CACNA2D3: variants seen among roughly 807,000 people sequenced by gnomAD.
CACNA2D3 encodes the protein calcium voltage-gated channel auxiliary subunit alpha2delta 3, also known as voltage-dependent calcium channel subunit alpha-2/delta-3.
In CACNA2D3, 60 loss-of-function variants were observed where a neutral mutation model predicts 160.6. The observed-to-expected ratio is 0.37, with a 90% CI of 0.30 to 0.46. CACNA2D3 has a LOEUF of 0.46. Ranked by LOEUF, CACNA2D3 falls within the 20% of genes least tolerant of loss-of-function variation. The probability of loss-of-function intolerance (pLI) is 1.00; values close to 1 mark genes in which losing one functional copy is unlikely to be tolerated. For missense variants in CACNA2D3, 1,205 were observed against 1,365.0 expected (o/e 0.88, Z 1.85); for synonymous variants, 558 against 492.9 (o/e 1.13, Z -1.75).
At chr3:54,582,159 C>T (rs948752304) in intron 9 of CACNA2D3, among the ~76,000 whole-genome samples, 1 of 152,228 alleles carries the variant, frequency 6.6e-6, no homozygotes, top group Non-Finnish European at 1.5e-5. Context: ...TACGTTGACA[C>T]TCTTGAAAGA....
At chr3:54,544,183 AGAT>A (rs1420126867) in intron 5 of CACNA2D3, among the ~76,000 whole-genome samples, 2 of 152,222 alleles carry the variant, frequency 1.3e-5, no homozygotes, top group Non-Finnish European at 2.9e-5. Flanking sequence ...CTCCATATAT[AGAT>A]GATAAGTACA....
At chr3:54,649,381 CAG>C (rs1401596429) in intron 11 of CACNA2D3, among the ~76,000 whole-genome samples, 1 of 152,202 alleles carries the variant, frequency 6.6e-6, no homozygotes, top group Non-Finnish European at 1.5e-5. Flanking sequence ...ACTGTGGTAA[CAG>C]GGAACAAACA....
At chr3:54,519,311 G>A (rs1311255231) in intron 5 of CACNA2D3, among the ~76,000 whole-genome samples, 2 of 152,204 alleles carry the variant, frequency 1.3e-5, no homozygotes, top group South Asian at 2.1e-4. Context: ...GTAAGAAAGC[G>A]GGGTTCACAG....
At chr3:54,712,147 T>C (rs1452247271) in intron 11 of CACNA2D3, among the ~76,000 whole-genome samples, 1 of 152,184 alleles carries the variant, frequency 6.6e-6, no homozygotes, top group Non-Finnish European at 1.5e-5. Context: ...TCTGTAAAAA[T>C]GGAGATTATC....
intron 5 of CACNA2D3, among the ~76,000 whole-genome samples, chr3:54,508,713 A>G (rs1381801638): frequency 6.6e-6 from 1 of 152,200 alleles, no homozygotes; most frequent in Admixed American, 6.5e-5. Context: ...TGTGAATTGC[A>G]GGACACAGGC....
intron 27 of CACNA2D3, among the ~76,000 whole-genome samples, chr3:54,905,591 T>G (rs919268688): frequency 3.3e-5 from 5 of 152,190 alleles, no homozygotes; most frequent in African/African-American, 1.2e-4. Context: ...GAAAACTTAC[T>G]GATTAAACCA....
chr3:54,465,614 C>T (rs575879938), intron 4 of CACNA2D3, among the ~76,000 whole-genome samples: 1 of 152,224 alleles, frequency 6.6e-6, no homozygotes, highest in African/African-American at 2.4e-5. Context: ...TGACCACATC[C>T]AAGTGCATAC....
intron 5 of CACNA2D3, among the ~76,000 whole-genome samples, chr3:54,543,637 G>C (rs1002617559): frequency 1.3e-5 from 2 of 152,236 alleles, no homozygotes; most frequent in Non-Finnish European, 2.9e-5. Flanking sequence ...GGTGGCCAGT[G>C]TGACAGCACA....
chr3:55,043,234 A>G (rs1201072868), intron 35 of CACNA2D3, among the ~76,000 whole-genome samples: 3 of 152,088 alleles, frequency 2.0e-5, no homozygotes, highest in Non-Finnish European at 2.9e-5. Flanking sequence ...TCAGCACTGT[A>G]GGGGAGTTCC....
At chr3:54,131,593 A>G (rs537397662) in intron 2 of CACNA2D3, among the ~76,000 whole-genome samples, 9 of 152,324 alleles carry the variant, frequency 5.9e-5, no homozygotes, top group South Asian at 4.1e-4. Context: ...CCATCCTCTC[A>G]CTTATACTGT....
chr3:54,228,710 G>T (rs1439274645), intron 2 of CACNA2D3, among the ~76,000 whole-genome samples: 1 of 152,200 alleles, frequency 6.6e-6, no homozygotes, highest in African/African-American at 2.4e-5. Flanking sequence ...CTCCACCAAG[G>T]TGTACACTGT....
At position 54,766,029 on chromosome 3, in the gene CACNA2D3, G is replaced by T. The variant is rs866568288; in HGVS notation, c.1380+1678G>T. Among the ~76,000 whole-genome samples, 17 of 152,052 alleles carry T rather than the reference G, an allele frequency of 1.1e-4. 1 individual carries two copies. The Middle Eastern group carries it at 0.01, about 93-fold the overall frequency. On this transcript the variant is annotated intron_variant, in intron 13 of 37. Coordinates refer to ENST00000474759, the MANE Select transcript of CACNA2D3 (RefSeq NM_018398.3). ...ATTACAAGCAGTAGAAGAAAACCTG[G>T]GTAAATTCCTCTGTGACCTGGATTC...
chr3:54,238,085 G>A (rs995999028), intron 2 of CACNA2D3, among the ~76,000 whole-genome samples: 1 of 152,120 alleles, frequency 6.6e-6, no homozygotes, highest in African/African-American at 2.4e-5. Flanking sequence ...AAACACTGCT[G>A]CATACTTTTT....
In CACNA2D3 at chr3:54,546,112, G is replaced by T. The variant is rs189731096; in HGVS notation, c.545-16688G>T. Among the ~76,000 whole-genome samples, 5 of 152,302 alleles carry T rather than the reference G, an allele frequency of 3.3e-5. No individual in the cohort carries two copies. In the East Asian group the frequency reaches 9.7e-4, roughly 29 times the overall value. ...TATGGCAATTTTGTGGCCCTATAAG[G>T]GGAAAGGCTGGAACTACCGGACAAC... On this transcript the variant is annotated intron_variant, in intron 5 of 37. Transcript: ENST00000474759.
At chr3:54,221,947 C>T (rs761576019) in intron 2 of CACNA2D3, among the ~76,000 whole-genome samples, 1 of 152,040 alleles carries the variant, frequency 6.6e-6, no homozygotes, top group African/African-American at 2.4e-5. Context: ...CTCCTAGGCT[C>T]AAGTGATCCT....
At chr3:54,347,372 G>T (rs552677028) in intron 3 of CACNA2D3, among the ~76,000 whole-genome samples, 1 of 152,242 alleles carries the variant, frequency 6.6e-6, no homozygotes, top group African/African-American at 2.4e-5. Context: ...ATGCTCTTTG[G>T]GAGTATAGGG....
chr3:54,595,279 A>G (rs1284184133), intron 9 of CACNA2D3, among the ~76,000 whole-genome samples: 1 of 151,888 alleles, frequency 6.6e-6, no homozygotes, highest in South Asian at 2.1e-4. Context: ...CTGTGGCTGT[A>G]CATAGACAGG....
At chr3:54,577,884 GA>G (rs1274815071) in intron 8 of CACNA2D3, among the ~76,000 whole-genome samples, 1 of 152,190 alleles carries the variant, frequency 6.6e-6, no homozygotes, top group Non-Finnish European at 1.5e-5. Context: ...GTGAGAATCA[GA>G]AAAGGAAAGC....
intron 28 of CACNA2D3, among the ~76,000 whole-genome samples, chr3:54,969,514 C>T (rs1310506956): frequency 6.6e-6 from 1 of 152,118 alleles, no homozygotes; most frequent in African/African-American, 2.4e-5. Flanking sequence ...CCCTCCTTGG[C>T]CTCCCAAAGT....
Sources: gnomAD v4.1 joint callset for allele counts (sites outside exome capture counted in the v4.1 genomes callset) on GRCh38, gnomAD v4.1.1 for gene constraint, MANE v1.5 for transcripts, NCBI Gene and HGNC (gene_info 2026-07-23, HGNC 2026-07-21) for gene names.